GLI3: variants seen among roughly 807,000 people sequenced by gnomAD.
The protein encoded by GLI3 is transcription activator GLI3.
A neutral mutation model predicts 100.8 loss-of-function variants in GLI3; 20 were observed. That is an observed-to-expected ratio of 0.20 (90% CI 0.14 to 0.29). GLI3 has a LOEUF of 0.29. Among genes scored for constraint, GLI3 ranks in the 10% least tolerant of loss-of-function variants. GLI3 has a pLI of 1.00. For missense variants in GLI3, 2,040 were observed against 2,128.5 expected (o/e 0.96, Z 0.82); for synonymous variants, 938 against 860.5 (o/e 1.09, Z -1.58).
intron 1 of GLI3, among the ~76,000 whole-genome samples, chr7:42,254,871 T>G (rs1363952777): frequency 6.6e-6 from 1 of 151,988 alleles, no homozygotes; most frequent in Non-Finnish European, 1.5e-5. Context: ...CTGTAGTGAG[T>G]GATTTTTCTA....
At chr7:42,132,327 C>G (rs993569437) in intron 3 of GLI3, among the ~76,000 whole-genome samples, 17 of 152,072 alleles carry the variant, frequency 1.1e-4, no homozygotes, top group African/African-American at 2.7e-4. Flanking sequence ...GTCTCGATCT[C>G]CTGACCTCCT....
chr7:42,035,267 A>G (rs1469275043), intron 7 of GLI3, among the ~76,000 whole-genome samples: 1 of 152,216 alleles, frequency 6.6e-6, no homozygotes, highest in Non-Finnish European at 1.5e-5. Context: ...TACTAAGCAC[A>G]GAGCCAAGGA....
At chr7:42,182,681 T>C (rs1386597593) in intron 2 of GLI3, among the ~76,000 whole-genome samples, 875 of 56,706 alleles carry the variant, frequency 0.015, 17 homozygotes, top group Non-Finnish European at 0.023. Context: ...TATATATATA[T>C]ACACATGTGT....
intron 3 of GLI3, among the ~76,000 whole-genome samples, chr7:42,104,738 C>T (rs896622929): frequency 7.2e-5 from 11 of 152,204 alleles, no homozygotes; most frequent in African/African-American, 2.4e-4. Flanking sequence ...AGTATGGCAA[C>T]TGGGAGGTGT....
chr7:42,111,511 C>G (rs1785705596), intron 3 of GLI3, among the ~76,000 whole-genome samples: 1 of 152,156 alleles, frequency 6.6e-6, no homozygotes, highest in African/African-American at 2.4e-5. Context: ...AGGCCATTAC[C>G]ACAGCCCAGA....
intron 2 of GLI3, among the ~76,000 whole-genome samples, chr7:42,217,537 T>C (rs1453007313): frequency 1.3e-5 from 2 of 152,238 alleles, no homozygotes; most frequent in Admixed American, 1.3e-4. Flanking sequence ...CTGCTTCTAA[T>C]GCAATAGCAT....
At chr7:42,247,254 A>C (rs965194470) in intron 1 of GLI3, among the ~76,000 whole-genome samples, 3 of 152,004 alleles carry the variant, frequency 2.0e-5, no homozygotes, top group Non-Finnish European at 2.9e-5. Flanking sequence ...TTTCCTAAAG[A>C]CTCCCATATC....
At chr7:42,250,322 C>A (rs1789018633) in intron 1 of GLI3, among the ~76,000 whole-genome samples, 2 of 152,164 alleles carry the variant, frequency 1.3e-5, no homozygotes, top group Admixed American at 6.5e-5. Flanking sequence ...AACCTCACAT[C>A]TTTAGGAGTC....
intron 3 of GLI3, among the ~76,000 whole-genome samples, chr7:42,117,375 C>G (rs1013862859): frequency 2.6e-5 from 4 of 152,316 alleles, no homozygotes; most frequent in African/African-American, 7.2e-5. Flanking sequence ...TGTCACCTGT[C>G]TGACAGGTAG....
intron 2 of GLI3, among the ~76,000 whole-genome samples, chr7:42,209,920 C>T (rs886319182): frequency 8.0e-5 from 11 of 136,674 alleles, no homozygotes; most frequent in South Asian, 2.3e-4. Flanking sequence ...AAAGTTAGAG[C>T]TCCAAATACT....
chr7:41,974,599 T>C (rs981786195), intron 12 of GLI3, among the ~76,000 whole-genome samples: 1 of 152,136 alleles, frequency 6.6e-6, no homozygotes, highest in Non-Finnish European at 1.5e-5. Context: ...TAATATAAAG[T>C]GTGAAAGCTA....
intron 1 of GLI3, among the ~76,000 whole-genome samples, chr7:42,259,963 T>C (rs551205819): frequency 1.3e-5 from 2 of 152,372 alleles, no homozygotes; most frequent in African/African-American, 4.8e-5. Flanking sequence ...ATGCATCTGC[T>C]GTTGCAGCCT....
chr7:42,245,953 G>T (rs762817285), intron 1 of GLI3, among the ~76,000 whole-genome samples: 26 of 151,438 alleles, frequency 1.7e-4, no homozygotes, highest in Admixed American at 7.9e-4. Flanking sequence ...ATAAGGAAAT[G>T]AAGCTAAATA....
chr7:42,147,974 C>T (rs1786757425), intron 3 of GLI3, among the ~76,000 whole-genome samples: 1 of 152,110 alleles, frequency 6.6e-6, no homozygotes, highest in Non-Finnish European at 1.5e-5. Flanking sequence ...AAATGGACCA[C>T]TCTCCTGAAG....
chr7:42,113,003 T>A (rs1785752487), intron 3 of GLI3, among the ~76,000 whole-genome samples: 1 of 152,100 alleles, frequency 6.6e-6, no homozygotes, highest in Non-Finnish European at 1.5e-5. Context: ...TGAAACCCTG[T>A]CTCTACTAAA....
At chr7:42,217,296 G>A (rs1788397227) in intron 2 of GLI3, among the ~76,000 whole-genome samples, 1 of 152,122 alleles carries the variant, frequency 6.6e-6, no homozygotes. Context: ...GCTGACCACA[G>A]GAAAGGTGAT....
chr7:42,213,911 G>A (rs926943284), intron 2 of GLI3, among the ~76,000 whole-genome samples: 15 of 152,240 alleles, frequency 9.9e-5, no homozygotes, highest in African/African-American at 3.6e-4. Context: ...CTTTCAGCCG[G>A]GCAGGGCTGT....
intron 3 of GLI3, among the ~76,000 whole-genome samples, chr7:42,109,338 T>G (rs1785649252): frequency 6.6e-6 from 1 of 152,126 alleles, no homozygotes; most frequent in Non-Finnish European, 1.5e-5. Context: ...GGCAACCCCA[T>G]GTTTTGGAAA....
intron 2 of GLI3, among the ~76,000 whole-genome samples, chr7:42,184,815 C>T (rs1032108802): frequency 3.3e-5 from 5 of 152,080 alleles, no homozygotes; most frequent in Non-Finnish European, 5.9e-5. Flanking sequence ...CCAGCCGTCT[C>T]AGTACGACTT....
Sources: gnomAD v4.1 joint callset for allele counts (sites outside exome capture counted in the v4.1 genomes callset) on GRCh38, gnomAD v4.1.1 for gene constraint, MANE v1.5 for transcripts, NCBI Gene and HGNC (gene_info 2026-07-23, HGNC 2026-07-21) for gene names.